CNTN1: variants seen among roughly 807,000 people sequenced by gnomAD.
CNTN1 encodes contactin-1.
A neutral mutation model predicts 126.4 loss-of-function variants in CNTN1; 38 were observed. That is an observed-to-expected ratio of 0.30 (90% CI 0.23 to 0.39). The LOEUF is 0.39. CNTN1 is among the 10% of genes least tolerant of loss of function. The pLI is 1.00. For synonymous variants in CNTN1, 413 were observed against 422.6 expected, an observed-to-expected ratio of 0.98 and a Z score of 0.28; for missense variants, 1,009 against 1,248.4, an observed-to-expected ratio of 0.81 and a Z score of 2.89.
intron 9 of CNTN1, among the ~76,000 whole-genome samples, chr12:40,935,675 C>T (rs1946055850): frequency 6.6e-6 from 1 of 151,952 alleles, no homozygotes; most frequent in Admixed American, 6.6e-5. Context: ...ACCTTTCTCC[C>T]TTACAATGAA....
At chr12:40,867,555 G>T (rs1327184516) in intron 1 of CNTN1, among the ~76,000 whole-genome samples, 1 of 152,136 alleles carries the variant, frequency 6.6e-6, no homozygotes, top group Admixed American at 6.5e-5. Flanking sequence ...TAGCTCAGTT[G>T]AACCATTCCA....
At chr12:40,859,961 A>G (rs1442184) in intron 1 of CNTN1, among the ~76,000 whole-genome samples, 25,222 of 152,054 alleles carry the variant, frequency 0.17, 3,340 homozygotes, top group African/African-American at 0.37. Context: ...TATTAATCAT[A>G]CTTTTCCAAA....
At chr12:40,965,965 A>G (rs1375581793) in intron 15 of CNTN1, among the ~76,000 whole-genome samples, 1 of 151,550 alleles carries the variant, frequency 6.6e-6, no homozygotes, top group African/African-American at 2.4e-5. Flanking sequence ...ACACCAAGTT[A>G]AACAGGCGTG....
intron 22 of CNTN1, 64 bp downstream of exon 22, chr12:41,028,033 GTTTCT>G: frequency 8.3e-7 from 1 of 1,200,238 alleles, no homozygotes; most frequent in Non-Finnish European, 1.2e-6. Context: ...CCCAAGATGG[GTTTCT>G]TTTCTTTTTT....
intron 1 of CNTN1, among the ~76,000 whole-genome samples, chr12:40,714,473 C>A (rs1383788861): frequency 2.0e-5 from 3 of 152,048 alleles, no homozygotes; most frequent in African/African-American, 4.8e-5. Context: ...CATGTCTAAT[C>A]CTTTATTATC....
chr12:40,893,571 G>A (rs1565896386), intron 1 of CNTN1, among the ~76,000 whole-genome samples: 1 of 152,022 alleles, frequency 6.6e-6, no homozygotes, highest in East Asian at 1.9e-4. Context: ...TGTAAAGAAA[G>A]TAAACAATCT....
At chr12:40,913,039 A>ATACT (rs1945100276) in intron 3 of CNTN1, among the ~76,000 whole-genome samples, 3 of 152,230 alleles carry the variant, frequency 2.0e-5, no homozygotes, top group African/African-American at 4.8e-5. Flanking sequence ...ACAAGGAAGT[A>ATACT]GTTCCTCTAG....
intron 1 of CNTN1, among the ~76,000 whole-genome samples, chr12:40,897,037 A>G (rs979461626): frequency 6.6e-6 from 1 of 152,244 alleles, no homozygotes; most frequent in Non-Finnish European, 1.5e-5. Flanking sequence ...TGGAGTACAT[A>G]TATCTTAACT....
chr12:40,777,723 A>G (rs934228850), intron 1 of CNTN1, among the ~76,000 whole-genome samples: 5 of 151,796 alleles, frequency 3.3e-5, no homozygotes, highest in African/African-American at 1.2e-4. Flanking sequence ...ATGAGCACAC[A>G]TGGTAGCTCT....
chr12:40,885,583 A>C (rs1407124085), intron 1 of CNTN1, among the ~76,000 whole-genome samples: 1 of 152,002 alleles, frequency 6.6e-6, no homozygotes, highest in East Asian at 1.9e-4. Flanking sequence ...TGAGATATTC[A>C]TAGCATTTAC....
chr12:40,838,436 C>A (rs188836175), intron 1 of CNTN1, among the ~76,000 whole-genome samples: 1 of 152,318 alleles, frequency 6.6e-6, no homozygotes, highest in Non-Finnish European at 1.5e-5. Context: ...CTACTGCTGC[C>A]ACTACTGGAA....
At chr12:40,968,207 T>C (rs1321256027) in intron 15 of CNTN1, among the ~76,000 whole-genome samples, 1 of 152,156 alleles carries the variant, frequency 6.6e-6, no homozygotes, top group African/African-American at 2.4e-5. Context: ...TAGCACACTA[T>C]AACTAAAACT....
chr12:40,767,238 G>C (rs753856295), intron 1 of CNTN1, among the ~76,000 whole-genome samples: 1 of 149,796 alleles, frequency 6.7e-6, no homozygotes, highest in Non-Finnish European at 1.5e-5. Flanking sequence ...ATAATACTAT[G>C]ATATAAGATG....
chr12:40,802,712 C>CATGGTGAAAGACCCT (rs1565757160), intron 1 of CNTN1, among the ~76,000 whole-genome samples: 1 of 151,974 alleles, frequency 6.6e-6, no homozygotes. Flanking sequence ...AAAGCAGTGG[C>CATGGTGAAAGACCCT]ATGGTGAAAG....
chr12:40,786,670 A>G (rs1478743915), intron 1 of CNTN1, among the ~76,000 whole-genome samples: 3 of 152,148 alleles, frequency 2.0e-5, no homozygotes, highest in Non-Finnish European at 4.4e-5. Flanking sequence ...CTAAACACAT[A>G]AAAATAAAAT....
intron 17 of CNTN1, among the ~76,000 whole-genome samples, chr12:41,004,442 G>T (rs1184416297): frequency 6.6e-6 from 1 of 152,092 alleles, no homozygotes; most frequent in Non-Finnish European, 1.5e-5. Flanking sequence ...AGTTCTGTAG[G>T]TATCTATCAG....
intron 17 of CNTN1, among the ~76,000 whole-genome samples, chr12:41,012,116 G>T (rs1433394285): frequency 6.6e-6 from 1 of 152,128 alleles, no homozygotes; most frequent in African/African-American, 2.4e-5. Flanking sequence ...ACTAGGTGGT[G>T]CTGCTGACTT....
intron 1 of CNTN1, chr12:40,763,257 G>A (rs1297148889): frequency 6.6e-6 from 1 of 152,110 alleles, no homozygotes; most frequent in Non-Finnish European, 1.5e-5. Flanking sequence ...AAATTACCCA[G>A]CCACCTTTAT....
At chr12:40,857,875 T>C (rs1012669558) in intron 1 of CNTN1, among the ~76,000 whole-genome samples, 1 of 152,124 alleles carries the variant, frequency 6.6e-6, no homozygotes, top group Non-Finnish European at 1.5e-5. Flanking sequence ...TTGTTTTTCT[T>C]GTCTCTGGTA....
Sources: allele counts gnomAD v4.1 joint callset (sites outside exome capture counted in the v4.1 genomes callset), GRCh38; gene constraint gnomAD v4.1.1; transcripts MANE v1.5; gene names NCBI Gene and HGNC (gene_info 2026-07-23, HGNC 2026-07-21).